Variants in GALNT7 observed in about 807,000 individuals in gnomAD.
GALNT7 encodes polypeptide N-acetylgalactosaminyltransferase 7.
Under a neutral mutation model 82.1 loss-of-function variants are expected in GALNT7, and 60 were observed. The observed-to-expected ratio is 0.73, with a 90% CI of 0.59 to 0.91. GALNT7 has a LOEUF of 0.91. Ranked by LOEUF, GALNT7 falls within the 40% of genes least tolerant of loss-of-function variation. The probability of loss-of-function intolerance (pLI) is 0.00; values close to 1 mark genes in which losing one functional copy is unlikely to be tolerated. For missense variants in GALNT7, 660 were observed against 804.2 expected (o/e 0.82, Z 2.17); for synonymous variants, 243 against 275.1 (o/e 0.88, Z 1.15).
At chr4:173,248,529 T>TA (rs1734743891) in intron 2 of GALNT7, 89 bp downstream of exon 2, 1 of 778,714 alleles carries the variant, frequency 1.3e-6, no homozygotes, top group South Asian at 1.8e-5. Context: ...AATGAAGAAA[T>TA]AATTATTGAT....
At chr4:173,260,808 T>C (rs919910907) in intron 2 of GALNT7, among the ~76,000 whole-genome samples, 2 of 152,188 alleles carry the variant, frequency 1.3e-5, no homozygotes, top group African/African-American at 4.8e-5. Context: ...ATATTAAATA[T>C]TGAAATAAAT....
At chr4:173,259,939 A>AT (rs1735196635) in intron 2 of GALNT7, among the ~76,000 whole-genome samples, 1 of 152,052 alleles carries the variant, frequency 6.6e-6, no homozygotes. Flanking sequence ...TGCCCGGCCC[A>AT]TTTCTTGTAT....
At chr4:173,266,868 G>GGTGTGTGTGTGTGTGTGT (rs71596614) in intron 2 of GALNT7, among the ~76,000 whole-genome samples, 1 of 95,078 alleles carries the variant, frequency 1.1e-5, no homozygotes, top group Non-Finnish European at 2.1e-5. Context: ...GGCTGGGAAG[G>GGTGTGTGTGTGTGTGTGT]GTGTGTGTGT....
chr4:173,184,737 A>T (rs1309060380), intron 1 of GALNT7, among the ~76,000 whole-genome samples: 1 of 142,128 alleles, frequency 7.0e-6, no homozygotes, highest in Non-Finnish European at 1.5e-5. Context: ...CAACTTCCTG[A>T]TAATGTAAAA....
At position 173,313,938 on chromosome 4, in the gene GALNT7, TATA is replaced by T. The variant is rs1280363022; in HGVS notation, c.1390-19_1390-17del. On this transcript the variant is annotated splice_polypyrimidine_tract_variant and intron_variant, in intron 8 of 11. Coordinates refer to ENST00000265000, the MANE Select transcript of GALNT7 (RefSeq NM_017423.3). ...TTGTATTTTTATAACGATATATATA[TATA>T]TATTTTTTTTTTACAGAATTATGTT... The T allele has an allele frequency of 1.9e-6, 2 of 1,072,270 alleles. No homozygotes were observed. Among genetic ancestry groups the T allele is most frequent in the Non-Finnish European group, 2.8e-6 (2 of 726,416 alleles). 66.4% of individuals were successfully genotyped at this position (1,072,270 alleles called of 1,614,324 possible). A position where few individuals can be genotyped will look rare whatever the true frequency, so the allele number is the denominator to read the frequency against.
intron 1 of GALNT7, among the ~76,000 whole-genome samples, chr4:173,223,687 A>G (rs1015341438): frequency 2.0e-5 from 3 of 152,172 alleles, no homozygotes; most frequent in African/African-American, 7.2e-5. Context: ...TATAACTAAA[A>G]TTTTCTTCCC....
intron 5 of GALNT7, among the ~76,000 whole-genome samples, chr4:173,297,527 C>T (rs529148373): frequency 6.6e-6 from 1 of 152,150 alleles, no homozygotes; most frequent in Admixed American, 6.5e-5. Flanking sequence ...AGGACCAAAG[C>T]GAAAAGGAGA....
At chr4:173,263,545 T>C (rs1735362024) in intron 2 of GALNT7, among the ~76,000 whole-genome samples, 2 of 152,188 alleles carry the variant, frequency 1.3e-5, no homozygotes. Flanking sequence ...TTACTTAGGA[T>C]TGATGGATAA....
In GALNT7 at chr4:173,295,416, G is replaced by A; in HGVS notation, c.775G>A (p.Asp259Asn). Residue 259 changes from aspartate (D) to asparagine (N), a missense_variant, in exon 4 of 12, where the codon GAT (aspartate) becomes AAT (asparagine). Asp to Asn is a conservative substitution (Grantham distance 23, BLOSUM62 1). Coordinates refer to ENST00000265000, the MANE Select transcript of GALNT7 (RefSeq NM_017423.3). ...AACAGAACACTTAAAAGAAAAACTG[G>A]ATGAATATATTAAGCTGTGGAATGG... is the stretch of plus-strand genomic sequence containing the variant. ...SNKEHLKEKL[D>N]EYIKLWNGLV... The A allele has an allele frequency of 6.3e-7, 1 of 1,592,540 alleles. No homozygotes were observed. Among genetic ancestry groups the A allele is most frequent in the East Asian group, 2.2e-5 (1 of 44,700 alleles).
chr4:173,224,784 G>A (rs537857528), intron 1 of GALNT7, among the ~76,000 whole-genome samples: 14 of 151,772 alleles, frequency 9.2e-5, no homozygotes, highest in East Asian at 3.9e-4. Flanking sequence ...AGGCCGAGGC[G>A]GGCGGATCAC....
At chr4:173,252,724 T>C (rs1464143345) in intron 2 of GALNT7, among the ~76,000 whole-genome samples, 5 of 152,190 alleles carry the variant, frequency 3.3e-5, no homozygotes, top group Admixed American at 3.3e-4. Flanking sequence ...TTCTTCACAG[T>C]TCAACAGATA....
intron 1 of GALNT7, among the ~76,000 whole-genome samples, chr4:173,233,917 A>C (rs1360720165): frequency 6.6e-6 from 1 of 152,188 alleles, no homozygotes; most frequent in Non-Finnish European, 1.5e-5. Context: ...CAGGCAAATC[A>C]AATTTTTCAA....
chr4:173,316,368 T>G (rs1354432798), intron 9 of GALNT7: 2 of 152,406 alleles, frequency 1.3e-5, no homozygotes, highest in African/African-American at 4.8e-5. Flanking sequence ...GTCCACCTTG[T>G]TACTTCCCAA....
At chr4:173,178,720 G>A (rs1470584952) in intron 1 of GALNT7, among the ~76,000 whole-genome samples, 1 of 152,146 alleles carries the variant, frequency 6.6e-6, no homozygotes, top group African/African-American at 2.4e-5. Flanking sequence ...ATCTAATTAG[G>A]TTTATAGAAT....
At chr4:173,226,483 G>A (rs1733830880) in intron 1 of GALNT7, among the ~76,000 whole-genome samples, 1 of 152,150 alleles carries the variant, frequency 6.6e-6, no homozygotes, top group African/African-American at 2.4e-5. Flanking sequence ...AGAGGTCAAT[G>A]CAAGAGAAAG....
intron 1 of GALNT7, among the ~76,000 whole-genome samples, chr4:173,217,825 G>C (rs936117744): frequency 6.6e-6 from 1 of 152,198 alleles, no homozygotes; most frequent in Non-Finnish European, 1.5e-5. Flanking sequence ...TTCACTCTGT[G>C]AGTCATTAAG....
chr4:173,214,920 G>A (rs1340451593), intron 1 of GALNT7, among the ~76,000 whole-genome samples: 1 of 151,990 alleles, frequency 6.6e-6, no homozygotes, highest in African/African-American at 2.4e-5. Context: ...TCTAGCCTAC[G>A]GTCGTGCTTC....
intron 1 of GALNT7, among the ~76,000 whole-genome samples, chr4:173,214,894 C>T (rs1733391546): frequency 6.6e-6 from 1 of 152,030 alleles, no homozygotes. Context: ...AGAGGCAGTA[C>T]CAACACATCC....
intron 2 of GALNT7, among the ~76,000 whole-genome samples, chr4:173,280,594 T>A (rs776167853): frequency 6.6e-6 from 1 of 152,208 alleles, no homozygotes; most frequent in African/African-American, 2.4e-5. Flanking sequence ...ATCAGAGCAG[T>A]TCTACAATGT....
Sources: allele counts gnomAD v4.1 joint callset (sites outside exome capture counted in the v4.1 genomes callset), GRCh38; gene constraint gnomAD v4.1.1; transcripts MANE v1.5; gene names NCBI Gene and HGNC (gene_info 2026-07-23, HGNC 2026-07-21).